Variants in SHROOM4 observed in about 807,000 individuals in gnomAD.
The protein encoded by SHROOM4 is protein Shroom4.
A neutral mutation model predicts 80.3 loss-of-function variants in SHROOM4; 17 were observed. That is an observed-to-expected ratio of 0.21 (90% CI 0.14 to 0.32). The LOEUF (loss-of-function observed/expected upper bound fraction) is 0.32. SHROOM4 is among the 10% of genes least tolerant of loss of function. The probability of loss-of-function intolerance (pLI) is 1.00; values close to 1 mark genes in which losing one functional copy is unlikely to be tolerated. For synonymous variants in SHROOM4, 400 were observed against 437.5 expected (o/e 0.91, Z 1.07); for missense variants, 993 against 1,140.3 (o/e 0.87, Z 1.86).
intron 5 of SHROOM4, among the ~76,000 whole-genome samples, chrX:50,621,728 T>A (rs1366919044): frequency 8.9e-6 from 1 of 112,151 alleles, no homozygotes; most frequent in African/African-American, 3.2e-5. Flanking sequence ...CTCTGAAGGC[T>A]GCATTCTTCT....
intron 1 of SHROOM4, among the ~76,000 whole-genome samples, chrX:50,748,081 G>A (rs182901581): frequency 8.9e-6 from 1 of 111,903 alleles, no homozygotes; most frequent in South Asian, 3.8e-4. Context: ...TGAAAGAGGA[G>A]ACTCTCCTAG....
At chrX:50,631,176 A>G (rs1557254071) in intron 4 of SHROOM4, among the ~76,000 whole-genome samples, 1 of 112,138 alleles carries the variant, frequency 8.9e-6, no homozygotes, top group East Asian at 2.8e-4. Context: ...AGTAACATAT[A>G]AAAGGATAAT....
Position 50,590,737 on chromosome X carries a change from C to G in SHROOM4, c.*5958G>C, listed in dbSNP as rs1928856545. Among the ~76,000 whole-genome samples, 1 of 112,134 alleles carries G rather than the reference C, an allele frequency of 8.9e-6. No homozygotes were observed. The highest frequency in any genetic ancestry group is 1.9e-5 in the Non-Finnish European group (1 of 53,204). ...TCTATGGTAGTATGTTATAGCAACC[C>G]AAGCATACTAAAACACATATTTTCT... On this transcript the variant is annotated 3_prime_UTR_variant, in exon 9 of 9. Coordinates refer to ENST00000376020, the MANE Select transcript of SHROOM4 (RefSeq NM_020717.5).
At chrX:50,795,029 C>G (rs1259727850) in intron 1 of SHROOM4, among the ~76,000 whole-genome samples, 2 of 18,173 alleles carry the variant, frequency 1.1e-4, no homozygotes, top group Non-Finnish European at 1.3e-4. Context: ...TTATATATAT[C>G]ATATATATCT....
At chrX:50,656,001 T>C (rs1156375202) in intron 2 of SHROOM4, among the ~76,000 whole-genome samples, 2 of 111,882 alleles carry the variant, frequency 1.8e-5, no homozygotes, top group Non-Finnish European at 3.8e-5. Context: ...ATTTCACTGA[T>C]GATTAGTGAC....
Position 50,593,212 on chromosome X carries a change from G to A in SHROOM4, c.*3483C>T, listed in dbSNP as rs1247133040. On this transcript the variant is annotated 3_prime_UTR_variant, in exon 9 of 9. Transcript: ENST00000376020. ...GTTTAGGGATGTGGGTAAGGGTCTG[G>A]TCATATGTTTATCTGTGAAGGACTA... 8.9e-6 allele frequency: 1 copy of A among 112,072 alleles called. No homozygotes were observed. The highest frequency in any genetic ancestry group is 3.3e-5 in the African/African-American group (1 of 30,727). 9.2% of individuals were successfully genotyped at this position (112,072 alleles called of 1,213,427 possible). A position where few individuals can be genotyped will look rare whatever the true frequency, so the allele number is the denominator to read the frequency against.
At chrX:50,687,037 T>C (rs1160631269) in intron 2 of SHROOM4, 2 of 112,017 alleles carry the variant, frequency 1.8e-5, no homozygotes, top group African/African-American at 6.5e-5. Flanking sequence ...CCTACCATGT[T>C]TGTTGGCTTA....
intron 6 of SHROOM4, among the ~76,000 whole-genome samples, chrX:50,606,129 G>T: frequency 9.7e-6 from 1 of 103,381 alleles, no homozygotes. Flanking sequence ...TGTGCACATT[G>T]TGCAGGTTAG....
At chrX:50,806,835 C>T (rs1307845138) in intron 1 of SHROOM4, among the ~76,000 whole-genome samples, 4 of 112,374 alleles carry the variant, frequency 3.6e-5, no homozygotes, top group African/African-American at 1.3e-4. Context: ...ATCCCAAACT[C>T]CCCCAGAACT....
At chrX:50,695,488 GATT>G (rs1445813508) in intron 2 of SHROOM4, among the ~76,000 whole-genome samples, 1 of 111,781 alleles carries the variant, frequency 8.9e-6, no homozygotes, top group Non-Finnish European at 1.9e-5. Flanking sequence ...AAAAACACTG[GATT>G]AGGTAGCCCT....
At chrX:50,705,832 A>G (rs1188532243) in intron 1 of SHROOM4, among the ~76,000 whole-genome samples, 2 of 110,745 alleles carry the variant, frequency 1.8e-5, no homozygotes, top group African/African-American at 6.6e-5. Flanking sequence ...GCAAACTTCA[A>G]GCCCTCCTGT....
intron 5 of SHROOM4, among the ~76,000 whole-genome samples, chrX:50,614,788 T>C (rs1296512732): frequency 8.9e-6 from 1 of 112,300 alleles, no homozygotes. Flanking sequence ...TGTAGATTTG[T>C]ATGTAATCAC....
intron 2 of SHROOM4, among the ~76,000 whole-genome samples, chrX:50,642,368 A>C (rs1244224808): frequency 1.8e-5 from 2 of 112,525 alleles, no homozygotes; most frequent in African/African-American, 6.5e-5. Flanking sequence ...CCACTTATTG[A>C]ACACTGAAGA....
chrX:50,786,218 A>G (rs782388675), intron 1 of SHROOM4, among the ~76,000 whole-genome samples: 12 of 111,691 alleles, frequency 1.1e-4, no homozygotes, highest in Non-Finnish European at 2.1e-4. Flanking sequence ...CAGTGCCCCA[A>G]CTTTTCCAGG....
At chrX:50,732,475 G>GA (rs1443949919) in intron 1 of SHROOM4, among the ~76,000 whole-genome samples, 4 of 111,359 alleles carry the variant, frequency 3.6e-5, no homozygotes, top group Non-Finnish European at 5.7e-5. Context: ...AAAAACAATA[G>GA]AAAAAATCAA....
intron 1 of SHROOM4, among the ~76,000 whole-genome samples, chrX:50,722,160 T>C (rs1304932118): frequency 9.0e-6 from 1 of 111,448 alleles, no homozygotes; most frequent in Admixed American, 9.6e-5. Context: ...TCCTCTGTCC[T>C]TGAGTTAAGT....
intron 5 of SHROOM4, among the ~76,000 whole-genome samples, chrX:50,622,203 C>G (rs1930602277): frequency 9.0e-6 from 1 of 111,518 alleles, no homozygotes; most frequent in Admixed American, 9.6e-5. Flanking sequence ...GGTATAATAC[C>G]TTTTCTGAGT....
chrX:50,640,674 T>A (rs1557257022), intron 2 of SHROOM4, among the ~76,000 whole-genome samples: 1 of 111,960 alleles, frequency 8.9e-6, no homozygotes. Context: ...AAACGTAAAC[T>A]AGATCAGTTT....
intron 5 of SHROOM4, among the ~76,000 whole-genome samples, chrX:50,624,052 T>C (rs782235367): frequency 5.3e-4 from 59 of 111,902 alleles, no homozygotes; most frequent in African/African-American, 1.9e-3. Context: ...GGGGTCTTTT[T>C]AGGGTGATAG....
Sources: gnomAD v4.1 joint callset for allele counts (sites outside exome capture counted in the v4.1 genomes callset) on GRCh38, gnomAD v4.1.1 for gene constraint, MANE v1.5 for transcripts, NCBI Gene and HGNC (gene_info 2026-07-23, HGNC 2026-07-21) for gene names.